Variants in OR3A2 observed in about 807,000 individuals in gnomAD.
OR3A2 encodes olfactory receptor 3A2.
For missense variants in OR3A2, 318 were observed against 392.8 expected, an observed-to-expected ratio of 0.81 and a Z score of 1.61; for synonymous variants, 126 against 159.3, an observed-to-expected ratio of 0.79 and a Z score of 1.57.
chr17:3,325,440 C>G (rs1411241870), intron 3 of OR3A2, among the ~76,000 whole-genome samples: 1 of 151,984 alleles, frequency 6.6e-6, no homozygotes, highest in African/African-American at 2.4e-5. Flanking sequence ...AAACTCCTGA[C>G]CTCAGGTGAT....
chr17:3,298,341 C>G (rs957867914), intron 3 of OR3A2: 1 of 152,202 alleles, frequency 6.6e-6, no homozygotes, highest in Non-Finnish European at 1.5e-5. Flanking sequence ...TTGAGTGATC[C>G]TGGATCCCTG....
At chr17:3,329,950 T>C (rs1042956963) in intron 3 of OR3A2, among the ~76,000 whole-genome samples, 13 of 145,008 alleles carry the variant, frequency 9.0e-5, no homozygotes, top group African/African-American at 3.0e-4. Context: ...TCTTTATTTC[T>C]GCCTTCATTT....
At chr17:3,372,847 A>AGGAGGG (rs2049643293) in intron 2 of OR3A2, among the ~76,000 whole-genome samples, 1 of 65,074 alleles carries the variant, frequency 1.5e-5, no homozygotes. Context: ...GAGAAGGAGA[A>AGGAGGG]GGAGAGGGAG....
At chr17:3,354,519 TG>T (rs536176757) in intron 2 of OR3A2, among the ~76,000 whole-genome samples, 29 of 151,510 alleles carry the variant, frequency 1.9e-4, no homozygotes, top group African/African-American at 6.6e-4. Context: ...GTAGGTTGTA[TG>T]TGTCTAGATT....
intron 2 of OR3A2, among the ~76,000 whole-genome samples, chr17:3,359,436 C>T (rs1483264708): frequency 6.6e-6 from 1 of 151,698 alleles, no homozygotes; most frequent in African/African-American, 2.4e-5. Flanking sequence ...ATATTTAGTG[C>T]TCATTTCAAG....
chr17:3,285,788 A>AAAC (rs1260216530), upstream of OR3A2, among the ~76,000 whole-genome samples: 3 of 152,124 alleles, frequency 2.0e-5, no homozygotes, highest in Non-Finnish European at 4.4e-5. Context: ...AATCCCTCCC[A>AAAC]AACAACAACA....
At chr17:3,359,462 GA>G (rs1482314308) in intron 2 of OR3A2, among the ~76,000 whole-genome samples, 2 of 151,740 alleles carry the variant, frequency 1.3e-5, no homozygotes, top group African/African-American at 4.9e-5. Flanking sequence ...TTGTAAGGCA[GA>G]TCTGGTGGTG....
chr17:3,323,391 C>A (rs1367369560), intron 3 of OR3A2, among the ~76,000 whole-genome samples: 1 of 152,010 alleles, frequency 6.6e-6, no homozygotes, highest in Non-Finnish European at 1.5e-5. Context: ...TGAATTTGAT[C>A]TTGTCATTAT....
At chr17:3,310,193 C>T (rs1224366971) in intron 3 of OR3A2, 2 of 407,492 alleles carry the variant, frequency 4.9e-6, no homozygotes, top group Non-Finnish European at 9.8e-6. Flanking sequence ...CCATCCCGGC[C>T]CTGTCCTGGA....
intron 2 of OR3A2, among the ~76,000 whole-genome samples, chr17:3,373,443 G>A (rs2049651074): frequency 6.6e-6 from 1 of 152,112 alleles, no homozygotes. Flanking sequence ...CTTAGTTCTA[G>A]TAGTAATTGT....
rs138089982 is a variant in OR3A2, at chr17:3,292,303, C to A, written c.-84-13150G>T. The A allele has an allele frequency of 5.7e-5, 92 of 1,614,148 alleles. No homozygotes were observed. The African/African-American group carries it at 1.1e-3, about 20-fold the overall frequency. ...GTAAGGCAGGCCCCACAGGGAACTG[C>A]ACGCTTGCGGGACAGGAGACGACTC... On this transcript the variant is annotated intron_variant, in intron 3 of 4. Coordinates refer to the OR3A2 transcript ENST00000573491.
intron 3 of OR3A2, among the ~76,000 whole-genome samples, chr17:3,320,909 T>C (rs1597338044): frequency 1.3e-5 from 2 of 152,060 alleles, no homozygotes; most frequent in East Asian, 1.9e-4. Context: ...TTTCCAATTC[T>C]GTGAAGAAAG....
At chr17:3,301,144 A>G (rs1451367766) in intron 3 of OR3A2, among the ~76,000 whole-genome samples, 1 of 152,214 alleles carries the variant, frequency 6.6e-6, no homozygotes, top group Non-Finnish European at 1.5e-5. Flanking sequence ...TGGTGCCACA[A>G]TAAACATACG....
chr17:3,369,069 T>C (rs1431895340), intron 2 of OR3A2, among the ~76,000 whole-genome samples: 1 of 152,206 alleles, frequency 6.6e-6, no homozygotes, highest in Non-Finnish European at 1.5e-5. Context: ...GTGCTACTGA[T>C]TTGTGGACGT....
At chr17:3,360,473 T>C (rs1428874343) in intron 2 of OR3A2, among the ~76,000 whole-genome samples, 2 of 151,828 alleles carry the variant, frequency 1.3e-5, no homozygotes, top group Non-Finnish European at 2.9e-5. Context: ...TTTGGTGTTT[T>C]AGACATGAAG....
upstream of OR3A2, among the ~76,000 whole-genome samples, chr17:3,286,542 A>G (rs2048815052): frequency 6.6e-6 from 1 of 152,218 alleles, no homozygotes; most frequent in Non-Finnish European, 1.5e-5. Flanking sequence ...ACAGTGTAAA[A>G]GCATTCCTAT....
intron 2 of OR3A2, among the ~76,000 whole-genome samples, chr17:3,336,587 C>T (rs74252390): frequency 0.086 from 13,066 of 152,104 alleles, 1,077 homozygotes; most frequent in East Asian, 0.49. Context: ...GAGAGATGTG[C>T]AATTATTAAT....
intron 2 of OR3A2, among the ~76,000 whole-genome samples, chr17:3,381,023 A>T (rs549981736): frequency 6.6e-6 from 1 of 152,176 alleles, no homozygotes; most frequent in East Asian, 1.9e-4. Flanking sequence ...TTGCATGTGT[A>T]TGTGGCATAT....
intron 2 of OR3A2, among the ~76,000 whole-genome samples, chr17:3,372,074 G>A (rs2049632677): frequency 7.0e-6 from 1 of 142,068 alleles, no homozygotes; most frequent in Non-Finnish European, 1.5e-5. Flanking sequence ...AGACGGGGCA[G>A]TTGCCAGGCG....
Sources: gnomAD v4.1 joint callset for allele counts (sites outside exome capture counted in the v4.1 genomes callset) on GRCh38, gnomAD v4.1.1 for gene constraint, MANE v1.5 for transcripts, NCBI Gene and HGNC (gene_info 2026-07-23, HGNC 2026-07-21) for gene names.